Variants in XAGE5 observed in about 807,000 individuals in gnomAD.
XAGE5 encodes the protein G antigen, family D, 5.
Under a neutral mutation model 13.1 loss-of-function variants are expected in XAGE5, and 13 were observed. That is an observed-to-expected ratio of 0.99 (90% CI 0.64 to 1.57). The LOEUF (loss-of-function observed/expected upper bound fraction) is 1.57, where lower values mean the gene tolerates loss of function less well. Among genes scored for constraint, XAGE5 ranks in the 40% most tolerant of loss-of-function variants. The probability of loss-of-function intolerance (pLI) is 0.00; values close to 1 mark genes in which losing one functional copy is unlikely to be tolerated. For missense variants in XAGE5, 86 were observed against 77.6 expected (o/e 1.11, Z -0.41); for synonymous variants, 17 against 25.0 (o/e 0.68, Z 0.96).
At position 52,812,653 on chromosome X, in the gene XAGE5, A is replaced by G; in HGVS notation, c.72+15A>G. On this transcript the variant is annotated intron_variant, in intron 3 of 5. Transcript: ENST00000375501. ...GGCCTATGCTTGTGAGTGACTTCAC[A>G]TTCGATTTTTTTCTACTAGCAGAAA... is the stretch of plus-strand genomic sequence containing the variant. The G allele has an allele frequency of 8.3e-7, 1 of 1,209,028 alleles. No homozygotes were observed. The highest frequency in any genetic ancestry group is 1.8e-5 in the South Asian group (1 of 56,756).
At chrX:52,818,059 T>C in intron 5 of XAGE5, 132 bp from the exon 6 acceptor site, 1 of 752,483 alleles carries the variant, frequency 1.3e-6, no homozygotes, top group Non-Finnish European at 2.0e-6. Flanking sequence ...ATATTAGCCG[T>C]AGGGAGACTC....
At chrX:52,813,304 G>C in intron 4 of XAGE5, 59 bp downstream of exon 4, 1 of 1,036,070 alleles carries the variant, frequency 9.7e-7, no homozygotes, top group Non-Finnish European at 1.3e-6. Flanking sequence ...TGTGCATCAC[G>C]CCTTATGCCA....
At position 52,813,960 on chromosome X, in the gene XAGE5, G is replaced by A. The variant is rs1244427858; in HGVS notation, c.178+715G>A. ...GGAGGCTGCAGTGAGCCAAGATCGC[G>A]CCACTGCACTCCAGCCTTGGTGACA... On this transcript the variant is annotated intron_variant, in intron 4 of 5. Coordinates refer to ENST00000375501, the MANE Select transcript of XAGE5 (RefSeq NM_001386970.1). Among the ~76,000 whole-genome samples the A allele has an allele frequency of 4.5e-5, 5 of 111,133 alleles. No individual in the cohort carries two copies. In the East Asian group the frequency reaches 1.4e-3, roughly 32 times the overall value.
chrX:52,813,846 T>C (rs1229489020), intron 4 of XAGE5, among the ~76,000 whole-genome samples: 1 of 110,956 alleles, frequency 9.0e-6, no homozygotes, highest in East Asian at 2.8e-4. Flanking sequence ...CTACTAAAAA[T>C]ATACGAATTA....
chrX:52,815,531 G>A (rs1159492644), intron 5 of XAGE5, among the ~76,000 whole-genome samples: 2 of 112,346 alleles, frequency 1.8e-5, no homozygotes, highest in Non-Finnish European at 3.8e-5. Context: ...TAATACACTC[G>A]TAATACCTCT....
intron 4 of XAGE5, among the ~76,000 whole-genome samples, chrX:52,813,723 C>A (rs782158047): frequency 2.7e-5 from 3 of 111,480 alleles, no homozygotes; most frequent in Admixed American, 9.5e-5. Flanking sequence ...AAAACTGAGG[C>A]CGGGCGTGGT....
intron 4 of XAGE5, among the ~76,000 whole-genome samples, chrX:52,814,529 G>T (rs1257527928): frequency 1.8e-5 from 2 of 111,706 alleles, no homozygotes; most frequent in Non-Finnish European, 3.8e-5. Flanking sequence ...ACTGTTAAGG[G>T]GTTTCCAGAA....
rs1158490373 is a variant in XAGE5 at position 52,811,543 on chromosome X, T to C, written c.-180-5T>C. ...CCCGCAGCTATGGGCCTTCTTGTCT[T>C]GTAGGGGTCAGGACGAAGGAAGAAG... On this transcript the variant is annotated splice_polypyrimidine_tract_variant and splice_region_variant and intron_variant, in intron 1 of 5. Coordinates refer to ENST00000375501, the MANE Select transcript of XAGE5 (RefSeq NM_001386970.1). Among the ~76,000 whole-genome samples the C allele has an allele frequency of 9.0e-6, 1 of 110,863 alleles. No homozygotes were observed. Among genetic ancestry groups the C allele is most frequent in the Non-Finnish European group, 1.9e-5 (1 of 52,936 alleles).
chrX:52,812,283 G>T (rs782602233), intron 2 of XAGE5: 16 of 268,291 alleles, frequency 6.0e-5, no homozygotes, highest in African/African-American at 4.4e-4. Flanking sequence ...GTTTGGTTTG[G>T]CTTTTTTGAG....
At chrX:52,818,057 C>T (rs376612610) in intron 5 of XAGE5, 134 bp from the exon 6 acceptor site, 24 of 723,386 alleles carry the variant, frequency 3.3e-5, no homozygotes, top group East Asian at 1.4e-4. Context: ...GAATATTAGC[C>T]GTAGGGAGAC....
At chrX:52,812,754 C>A in intron 3 of XAGE5, 116 bp downstream of exon 3, 1 of 665,708 alleles carries the variant, frequency 1.5e-6, no homozygotes, top group Non-Finnish European at 2.3e-6. Flanking sequence ...AAAAAATGAT[C>A]ATGGCATCTC....
rs782375031 is a variant in XAGE5, at chrX:52,817,602, G to T, written c.305-589G>T. Among the ~76,000 whole-genome samples the T allele has an allele frequency of 3.0e-4, 34 of 112,069 alleles. 1 individual carries two copies. In the South Asian group the frequency reaches 0.012, roughly 40 times the overall value. ...ACAAAGAAGGGTAAACTAGCTCAAA[G>T]CAATATCACAGCACTTCTTCACGAT... On this transcript the variant is annotated intron_variant, in intron 5 of 5. Coordinates refer to ENST00000375501, the MANE Select transcript of XAGE5 (RefSeq NM_001386970.1).
chrX:52,818,068 T>C, intron 5 of XAGE5, 123 bp from the exon 6 acceptor site: 1 of 820,865 alleles, frequency 1.2e-6, no homozygotes, highest in Non-Finnish European at 1.8e-6. Flanking sequence ...GTAGGGAGAC[T>C]CTTCAGATTC....
intron 5 of XAGE5, among the ~76,000 whole-genome samples, 154 bp downstream of exon 5, chrX:52,815,371 C>T (rs1926887452): frequency 8.9e-6 from 1 of 112,403 alleles, no homozygotes. Context: ...AGAAGCCTGA[C>T]TGCAAAGCTG....
rs144083367 is a variant in XAGE5, at chrX:52,816,242, C to T, written c.304+1025C>T. ...TACAGGTGTGAACCACCTCCCTCAC[C>T]GGACCCAATGATTGCATTTGCAGGA... On this transcript the variant is annotated intron_variant, in intron 5 of 5. Coordinates refer to ENST00000375501, the MANE Select transcript of XAGE5 (RefSeq NM_001386970.1). Among the ~76,000 whole-genome samples, 556 of 112,273 alleles carry T rather than the reference C, an allele frequency of 5.0e-3. 3 individuals are homozygous for T. The highest frequency in any genetic ancestry group is 9.2e-3 in the Middle Eastern group (2 of 217).
intron 2 of XAGE5, chrX:52,812,246 A>C (rs1556777433): frequency 1.3e-5 from 3 of 229,191 alleles, no homozygotes; most frequent in Non-Finnish European, 2.4e-5. Context: ...GCATTTTTCC[A>C]ATCACAATAT....
intron 4 of XAGE5, among the ~76,000 whole-genome samples, chrX:52,813,913 G>A (rs782515957): frequency 9.0e-6 from 1 of 111,635 alleles, no homozygotes; most frequent in Non-Finnish European, 1.9e-5. Flanking sequence ...TGAGGCAGGA[G>A]AATTTCTTGA....
intron 5 of XAGE5, among the ~76,000 whole-genome samples, chrX:52,815,765 A>G (rs1220507881): frequency 8.0e-5 from 9 of 112,208 alleles, no homozygotes; most frequent in African/African-American, 2.6e-4. Context: ...TTTGTTTATC[A>G]TAACGATCAG....
At chrX:52,815,243 T>C in intron 5 of XAGE5, 26 bp downstream of exon 5, 1 of 1,189,444 alleles carries the variant, frequency 8.4e-7, no homozygotes, top group African/African-American at 1.7e-5. Flanking sequence ...AGATTAAAAA[T>C]TATGTGCTTT....
Sources: allele counts gnomAD v4.1 joint callset (sites outside exome capture counted in the v4.1 genomes callset), GRCh38; gene constraint gnomAD v4.1.1; transcripts MANE v1.5; gene names NCBI Gene and HGNC (gene_info 2026-07-23, HGNC 2026-07-21).